PLXDC2: variants seen among roughly 807,000 people sequenced by gnomAD.
The protein encoded by PLXDC2 is plexin domain-containing protein 2.
A neutral mutation model predicts 68.9 loss-of-function variants in PLXDC2; 40 were observed. The observed-to-expected ratio is 0.58, with a 90% confidence interval of 0.45 to 0.76. The LOEUF (loss-of-function observed/expected upper bound fraction) is 0.76, where lower values mean the gene tolerates loss of function less well. PLXDC2 is among the 30% of genes least tolerant of loss of function. The probability of loss-of-function intolerance (pLI) is 0.00; values close to 1 mark genes in which losing one functional copy is unlikely to be tolerated. For synonymous variants in PLXDC2, 243 were observed against 234.2 expected, an observed-to-expected ratio of 1.04 and a Z score of -0.34; for missense variants, 644 against 661.9, an observed-to-expected ratio of 0.97 and a Z score of 0.30.
intron 12 of PLXDC2, among the ~76,000 whole-genome samples, chr10:20,236,579 C>T (rs373172675): frequency 1.2e-4 from 18 of 152,010 alleles, no homozygotes; most frequent in African/African-American, 3.9e-4. Flanking sequence ...AAAACATATG[C>T]GTAGGCAGAT....
intron 1 of PLXDC2, among the ~76,000 whole-genome samples, chr10:19,929,968 C>G (rs776969254): frequency 6.6e-6 from 1 of 152,144 alleles, no homozygotes; most frequent in African/African-American, 2.4e-5. Flanking sequence ...GAAAATTTCT[C>G]CTCCGTCCTG....
intron 12 of PLXDC2, among the ~76,000 whole-genome samples, chr10:20,243,423 A>G (rs975521673): frequency 6.6e-6 from 1 of 152,216 alleles, no homozygotes; most frequent in African/African-American, 2.4e-5. Flanking sequence ...TTCACTAATT[A>G]ATTTCTGTTA....
At chr10:19,914,044 C>G (rs960671362) in intron 1 of PLXDC2, among the ~76,000 whole-genome samples, 4 of 140,452 alleles carry the variant, frequency 2.8e-5, no homozygotes, top group South Asian at 2.3e-4. Flanking sequence ...AGGAAGGAAG[C>G]AGGCAGAGGG....
intron 1 of PLXDC2, among the ~76,000 whole-genome samples, chr10:19,828,804 A>T (rs1223962215): frequency 6.6e-6 from 1 of 152,058 alleles, no homozygotes; most frequent in Non-Finnish European, 1.5e-5. Flanking sequence ...TTGACTTCAG[A>T]TGGCTTTTCT....
At chr10:20,107,028 C>A (rs1219430402) in intron 4 of PLXDC2, among the ~76,000 whole-genome samples, 3 of 148,180 alleles carry the variant, frequency 2.0e-5, no homozygotes, top group African/African-American at 7.4e-5. Context: ...TATATATACA[C>A]CATATACTAT....
chr10:19,970,364 C>T (rs1259489037), intron 1 of PLXDC2, among the ~76,000 whole-genome samples: 1 of 152,036 alleles, frequency 6.6e-6, no homozygotes, highest in Non-Finnish European at 1.5e-5. Flanking sequence ...AACAGTTAGC[C>T]CCTTGACAGA....
At chr10:20,081,649 C>T (rs1589619821) in intron 4 of PLXDC2, among the ~76,000 whole-genome samples, 3 of 152,030 alleles carry the variant, frequency 2.0e-5, no homozygotes, top group African/African-American at 7.2e-5. Flanking sequence ...TATTATTTGC[C>T]AACAAACAAA....
intron 7 of PLXDC2, among the ~76,000 whole-genome samples, chr10:20,168,683 C>A (rs181417695): frequency 9.9e-5 from 15 of 152,230 alleles, no homozygotes; most frequent in Admixed American, 9.2e-4. Flanking sequence ...ACAGGTACAG[C>A]TATGAAAAAC....
intron 9 of PLXDC2, among the ~76,000 whole-genome samples, chr10:20,190,543 A>T (rs947704763): frequency 6.6e-6 from 1 of 151,690 alleles, no homozygotes; most frequent in Non-Finnish European, 1.5e-5. Flanking sequence ...ACATGTATAC[A>T]TATGTAACAA....
At chr10:19,876,403 A>G (rs1208228088) in intron 1 of PLXDC2, among the ~76,000 whole-genome samples, 1 of 152,060 alleles carries the variant, frequency 6.6e-6, no homozygotes, top group East Asian at 1.9e-4. Flanking sequence ...ATCTTCCTCT[A>G]AGAAAGGAAA....
chr10:19,850,529 G>A (rs1344050100), intron 1 of PLXDC2, among the ~76,000 whole-genome samples: 4 of 152,074 alleles, frequency 2.6e-5, no homozygotes, highest in South Asian at 2.1e-4. Context: ...AAAAAGATTA[G>A]TATCTCATGA....
intron 1 of PLXDC2, among the ~76,000 whole-genome samples, chr10:19,974,910 G>A (rs1004985243): frequency 2.6e-5 from 4 of 152,120 alleles, no homozygotes; most frequent in Admixed American, 6.5e-5. Flanking sequence ...CCAGGAAAAG[G>A]TCATCTTCTG....
intron 1 of PLXDC2, among the ~76,000 whole-genome samples, chr10:19,879,100 G>C (rs954517347): frequency 6.6e-6 from 1 of 152,142 alleles, no homozygotes; most frequent in Non-Finnish European, 1.5e-5. Flanking sequence ...GCAGAATCTA[G>C]GGATTAAAAT....
intron 4 of PLXDC2, among the ~76,000 whole-genome samples, chr10:20,120,515 T>G (rs1361067297): frequency 6.6e-6 from 1 of 151,944 alleles, no homozygotes; most frequent in Non-Finnish European, 1.5e-5. Flanking sequence ...CTGTATAGAG[T>G]TGGGAAGGCT....
At chr10:20,140,763 A>T (rs1223637532) in intron 4 of PLXDC2, among the ~76,000 whole-genome samples, 2 of 152,148 alleles carry the variant, frequency 1.3e-5, no homozygotes, top group Non-Finnish European at 2.9e-5. Flanking sequence ...TGAGATATTG[A>T]TATAAGTAAC....
At position 20,176,390 on chromosome 10, in the gene PLXDC2, ATGTGTG is replaced by A. The variant is rs66825907; in HGVS notation, c.884-589_884-584del. 6.0e-5 allele frequency among the ~76,000 whole-genome samples: 9 copies of A among 149,436 alleles called. No homozygotes were observed. In the South Asian group the frequency reaches 1.7e-3, roughly 28 times the overall value. ...AACACATTCATCATCTCGCACAGTT[ATGTGTG>A]TGTGTGTGTGTGTGTGTGTCTGTCG... On this transcript the variant is annotated intron_variant, in intron 7 of 13. Coordinates refer to ENST00000377252, the MANE Select transcript of PLXDC2 (RefSeq NM_032812.9).
chr10:20,044,507 A>G (rs1031343391), intron 2 of PLXDC2, among the ~76,000 whole-genome samples: 13 of 151,560 alleles, frequency 8.6e-5, no homozygotes, highest in African/African-American at 3.2e-4. Flanking sequence ...ACGGGGTTTC[A>G]CCATTTTGGC....
In PLXDC2 at chr10:20,050,725, CAAAA is replaced by C. The variant is rs200038320; in HGVS notation, c.471+3716_471+3719del. ...AAAAAACAAAAACAAAACAAACAAA[CAAAA>C]AAAAACAGATGCTGGTGAGGCTGCA... On this transcript the variant is annotated intron_variant, in intron 3 of 13. Coordinates refer to ENST00000377252, the MANE Select transcript of PLXDC2 (RefSeq NM_032812.9). 2.0e-5 allele frequency among the ~76,000 whole-genome samples: 3 copies of C among 148,854 alleles called. No homozygotes were observed. The East Asian group carries it at 5.9e-4, about 29-fold the overall frequency.
chr10:20,159,943 ACT>A (rs1241631674), intron 6 of PLXDC2, among the ~76,000 whole-genome samples: 2 of 151,128 alleles, frequency 1.3e-5, no homozygotes, highest in Non-Finnish European at 2.9e-5. Flanking sequence ...CTATCTTCTT[ACT>A]CTGTTTTAGT....
Sources: allele counts gnomAD v4.1 joint callset (sites outside exome capture counted in the v4.1 genomes callset), GRCh38; gene constraint gnomAD v4.1.1; transcripts MANE v1.5; gene names NCBI Gene and HGNC (gene_info 2026-07-23, HGNC 2026-07-21).